Variants in DMXL2 observed in about 807,000 individuals in gnomAD.
DMXL2 encodes dmX-like protein 2.
DMXL2 carries 103 observed loss-of-function variants against 331.1 expected under a neutral mutation model. The observed-to-expected ratio is 0.31, with a 90% CI of 0.27 to 0.37. DMXL2 has a LOEUF of 0.37. Ranked by LOEUF, DMXL2 falls within the 10% of genes least tolerant of loss-of-function variation. The pLI, the probability that DMXL2 is intolerant of heterozygous loss-of-function variation, is 1.00. For synonymous variants in DMXL2, 1,281 were observed against 1,252.1 expected, an observed-to-expected ratio of 1.02 and a Z score of -0.49; for missense variants, 3,171 against 3,642.9, an observed-to-expected ratio of 0.87 and a Z score of 3.33.
At chr15:51,514,639 G>A in intron 14 of DMXL2, 80 bp from the exon 15 acceptor site, 1 of 793,810 alleles carries the variant, frequency 1.3e-6, no homozygotes, top group Admixed American at 2.5e-5. Context: ...CCTCCCCAAT[G>A]CTAATGCAGA....
chr15:51,471,166 A>T (rs1345349918), intron 29 of DMXL2, 57 bp downstream of exon 29: 2 of 1,504,808 alleles, frequency 1.3e-6, no homozygotes, highest in Non-Finnish European at 1.8e-6. Flanking sequence ...CACATGCAAG[A>T]GTTAATAAAA....
intron 1 of DMXL2, among the ~76,000 whole-genome samples, chr15:51,591,069 G>C (rs1410704542): frequency 3.3e-5 from 5 of 152,220 alleles, no homozygotes; most frequent in Non-Finnish European, 5.9e-5. Context: ...TCACTGGGGA[G>C]TGTCGGAAAG....
In DMXL2 at chr15:51,514,443, T is replaced by C; in HGVS notation, c.2643A>G (p.Gln881=). 6.6e-7 allele frequency: 1 copy of C among 1,524,512 alleles called. No homozygotes were observed. The highest frequency in any genetic ancestry group is 1.2e-5 in the South Asian group (1 of 84,780). The allele number at this position is 1,524,512 out of a possible 1,614,324, so 94.4% of individuals were successfully genotyped here. A position where few individuals can be genotyped will look rare whatever the true frequency, so the allele number is the denominator to read the frequency against. The change falls in exon 15 of 44, where the codon CAA becomes CAG. Residue 881 remains glutamine (Q), a splice_region_variant and synonymous_variant. Transcript: ENST00000560891. ...KETEIFFQPS[Q]GYRPPPFSEK... is the part of the protein sequence containing the mutation. Reference sequence around the variant, plus strand: ...ATGCAGACTATTTTTTTAAAGTACCTTGTGATGGCTGAAAAAATATTTCTG... The same window carrying C: ...ATGCAGACTATTTTTTTAAAGTACCCTGTGATGGCTGAAAAAATATTTCTG...
rs765721707 is a variant in DMXL2 at position 51,471,415 on chromosome 15, G to T, written c.7214-14C>A. 13 of 1,553,586 alleles carry T rather than the reference G, an allele frequency of 8.4e-6. No homozygotes were observed. The highest frequency in any genetic ancestry group is 4.4e-6 in the Non-Finnish European group (5 of 1,149,002). ...GGACAGGAGGTGCTAAATGAAGATA[G>T]AAGGAAAAAAAAATCTAGCATTCAT... On this transcript the variant is annotated splice_polypyrimidine_tract_variant and intron_variant, in intron 28 of 43. Coordinates refer to ENST00000560891, the MANE Select transcript of DMXL2 (RefSeq NM_001378457.1).
intron 13 of DMXL2, among the ~76,000 whole-genome samples, chr15:51,524,167 C>T (rs1330981635): frequency 1.3e-4 from 20 of 152,196 alleles, no homozygotes; most frequent in Non-Finnish European, 2.9e-5. Context: ...AACTAGAAAT[C>T]AGTAACAGGA....
Position 51,612,983 on chromosome 15 carries a change from T to C in DMXL2, c.87+9476A>G, listed in dbSNP as rs145477172. ...GAGAAAAAGAATTCAGCGATATTTC[T>C]CCTATTTGCTTTTGAAAGTAGAGAA... is the stretch of plus-strand genomic sequence containing the variant. On this transcript the variant is annotated intron_variant, in intron 1 of 43. Coordinates refer to ENST00000560891, the MANE Select transcript of DMXL2 (RefSeq NM_001378457.1). Among the ~76,000 whole-genome samples the C allele has an allele frequency of 3.8e-3, 576 of 152,312 alleles. 4 individuals are homozygous for C. Among genetic ancestry groups the C allele is most frequent in the African/African-American group, 0.013 (558 of 41,558 alleles).
intron 26 of DMXL2, among the ~76,000 whole-genome samples, chr15:51,477,579 T>C (rs2041687371): frequency 6.6e-6 from 1 of 152,080 alleles, no homozygotes; most frequent in Non-Finnish European, 1.5e-5. Context: ...CTGCTACCAT[T>C]ACAAGAAAGA....
chr15:51,485,721 G>C (rs1335055688), intron 23 of DMXL2, among the ~76,000 whole-genome samples: 1 of 151,874 alleles, frequency 6.6e-6, no homozygotes, highest in Non-Finnish European at 1.5e-5. Context: ...AATTATTTAG[G>C]ATAACAAGGA....
At chr15:51,526,416 C>T (rs955229165) in intron 13 of DMXL2, among the ~76,000 whole-genome samples, 3 of 152,170 alleles carry the variant, frequency 2.0e-5, no homozygotes, top group African/African-American at 7.2e-5. Flanking sequence ...ATCTGGAAAG[C>T]CTTCCCAAGG....
intron 1 of DMXL2, among the ~76,000 whole-genome samples, chr15:51,586,263 C>T (rs1040466115): frequency 6.6e-6 from 1 of 152,002 alleles, no homozygotes; most frequent in Non-Finnish European, 1.5e-5. Context: ...CTCTTAGAAA[C>T]AACTCATATC....
At chr15:51,568,390 T>C in intron 3 of DMXL2, 97 bp downstream of exon 3, 1 of 755,528 alleles carries the variant, frequency 1.3e-6, no homozygotes. Context: ...CTCTAGTCTA[T>C]TTTCAGCACT....
At chr15:51,489,176 T>C (rs1467206913) in intron 20 of DMXL2, among the ~76,000 whole-genome samples, 1 of 152,144 alleles carries the variant, frequency 6.6e-6, no homozygotes, top group Non-Finnish European at 1.5e-5. Context: ...CATAAGAGCA[T>C]ATAGGCCATA....
chr15:51,456,749 C>A (rs1208715739), intron 37 of DMXL2, among the ~76,000 whole-genome samples: 2 of 152,218 alleles, frequency 1.3e-5, no homozygotes, highest in Non-Finnish European at 2.9e-5. Context: ...TAGAAGTAGA[C>A]ATGAATTCCC....
intron 1 of DMXL2, among the ~76,000 whole-genome samples, chr15:51,587,342 C>CG (rs1219286927): frequency 1.1e-4 from 17 of 152,030 alleles, no homozygotes; most frequent in African/African-American, 4.1e-4. Context: ...CAACAGGTCC[C>CG]GGTATGTGAT....
intron 26 of DMXL2, among the ~76,000 whole-genome samples, chr15:51,477,522 T>C (rs1016997026): frequency 6.6e-6 from 1 of 152,028 alleles, no homozygotes; most frequent in African/African-American, 2.4e-5. Flanking sequence ...GTACAGGCCA[T>C]TTTGATAGAT....
chr15:51,474,336 T>C lies in DMXL2; in HGVS notation c.7213+8A>G. ...TTACATACATTACTGGTATCAAACG[T>C]ATCTTACCTGAAATATTTTCTGATT... On this transcript the variant is annotated splice_region_variant and intron_variant, in intron 28 of 43. Coordinates refer to ENST00000560891, the MANE Select transcript of DMXL2 (RefSeq NM_001378457.1). The C allele has an allele frequency of 3.1e-6, 5 of 1,602,214 alleles. No individual in the cohort carries two copies. The highest frequency in any genetic ancestry group is 4.3e-6 in the Non-Finnish European group (5 of 1,170,696).
intron 1 of DMXL2, among the ~76,000 whole-genome samples, chr15:51,600,074 T>C (rs2053119940): frequency 1.3e-5 from 2 of 152,234 alleles, no homozygotes; most frequent in Admixed American, 6.5e-5. Context: ...AAAATATTTC[T>C]ATCTGCAATT....
At position 51,499,046 on chromosome 15, in the gene DMXL2, C is replaced by T. The variant is rs146128315; in HGVS notation, c.4178G>A (p.Arg1393Gln). ...RDPDAGEGTK[R>Q]HLSRTISVSG... ...TACACTAATAGTTCGAGAGAGATGT[C>T]GCTTAGTTCCTTCTCCAGCATCAGG... Residue 1393 changes from arginine (R) to glutamine (Q), a missense_variant, in exon 18 of 44, where the codon CGA becomes CAA. By Grantham distance (43) the Arg-to-Gln change is conservative (BLOSUM62 1). Transcript: ENST00000560891. 14 of 1,613,890 alleles carry T rather than the reference C, an allele frequency of 8.7e-6. No individual in the cohort carries two copies. Among genetic ancestry groups the T allele is most frequent in the Admixed American group, 1.7e-5 (1 of 60,008 alleles).
intron 40 of DMXL2, chr15:51,454,017 T>C (rs2039393119): frequency 1.1e-5 from 2 of 177,296 alleles, no homozygotes; most frequent in Admixed American, 1.3e-4. Context: ...ACCCAACTAG[T>C]CTTAGGATGT....
Sources: allele counts gnomAD v4.1 joint callset (sites outside exome capture counted in the v4.1 genomes callset), GRCh38; gene constraint gnomAD v4.1.1; transcripts MANE v1.5; gene names NCBI Gene and HGNC (gene_info 2026-07-23, HGNC 2026-07-21).